DENND5B: variants seen among roughly 807,000 people sequenced by gnomAD.
The protein encoded by DENND5B is DENN domain-containing protein 5B.
A neutral mutation model predicts 140.6 loss-of-function variants in DENND5B; 34 were observed. The ratio of observed to expected loss-of-function variants is 0.24; its 90% CI spans 0.18 to 0.32. The LOEUF is 0.32. Among genes scored for constraint, DENND5B ranks in the 10% least tolerant of loss-of-function variants. The pLI, the probability that DENND5B is intolerant of heterozygous loss-of-function variation, is 1.00. For missense variants in DENND5B, 1,142 were observed against 1,560.2 expected (o/e 0.73, Z 4.52); for synonymous variants, 551 against 562.1 (o/e 0.98, Z 0.28).
intron 1 of DENND5B, among the ~76,000 whole-genome samples, chr12:31,572,229 A>G (rs1332917440): frequency 6.6e-6 from 1 of 152,046 alleles, no homozygotes; most frequent in Non-Finnish European, 1.5e-5. Context: ...TGTCTCAAAA[A>G]AAAAAAGAAA....
chr12:31,399,878 C>A, intron 15 of DENND5B, 106 bp from the exon 16 acceptor site: 1 of 740,824 alleles, frequency 1.3e-6, no homozygotes, highest in South Asian at 1.8e-5. Context: ...CAGAGACAAA[C>A]CCTGCATAAT....
intron 1 of DENND5B, among the ~76,000 whole-genome samples, chr12:31,529,661 C>T (rs1244064752): frequency 6.6e-6 from 1 of 151,248 alleles, no homozygotes. Context: ...CCCATCTCTA[C>T]CAAAAATACA....
At chr12:31,546,558 G>A (rs186792905) in intron 1 of DENND5B, among the ~76,000 whole-genome samples, 55 of 152,122 alleles carry the variant, frequency 3.6e-4, no homozygotes, top group African/African-American at 1.3e-3. Context: ...ATGGTGGTAC[G>A]CGCCTGTAAT....
At chr12:31,494,131 C>A (rs1406258953) in intron 2 of DENND5B, among the ~76,000 whole-genome samples, 3 of 149,494 alleles carry the variant, frequency 2.0e-5, no homozygotes, top group Admixed American at 2.0e-4. Context: ...TTGACTATCT[C>A]TCTATCTTCT....
chr12:31,493,741 G>A (rs1946623535), intron 2 of DENND5B, among the ~76,000 whole-genome samples: 1 of 152,200 alleles, frequency 6.6e-6, no homozygotes. Flanking sequence ...TGAGGCAGGA[G>A]GATTGCCTGA....
intron 1 of DENND5B, among the ~76,000 whole-genome samples, chr12:31,580,946 A>T (rs879722865): frequency 2.4e-4 from 36 of 151,972 alleles, no homozygotes; most frequent in Non-Finnish European, 4.1e-4. Flanking sequence ...TACAAAAAAA[A>T]TTTTTTTAAT....
intron 17 of DENND5B, among the ~76,000 whole-genome samples, chr12:31,393,828 C>T (rs995700282): frequency 6.6e-6 from 1 of 152,106 alleles, no homozygotes; most frequent in African/African-American, 2.4e-5. Context: ...GCTGGGACTA[C>T]AGGTGCCGGC....
chr12:31,399,885 T>C (rs1941705151), intron 15 of DENND5B, 113 bp from the exon 16 acceptor site: 1 of 704,454 alleles, frequency 1.4e-6, no homozygotes, highest in Non-Finnish European at 2.5e-6. Context: ...AAACCCTGCA[T>C]AATGTATTCA....
At chr12:31,559,175 T>C (rs1334668424) in intron 1 of DENND5B, among the ~76,000 whole-genome samples, 2 of 152,176 alleles carry the variant, frequency 1.3e-5, no homozygotes, top group African/African-American at 4.8e-5. Context: ...TTCGGTCTAT[T>C]TTAGTTAAAC....
intron 1 of DENND5B, among the ~76,000 whole-genome samples, chr12:31,561,772 G>A (rs963449699): frequency 4.1e-4 from 62 of 152,124 alleles, no homozygotes; most frequent in Non-Finnish European, 1.6e-4. Flanking sequence ...GAGCTAGTAT[G>A]GCATTAAGAG....
At chr12:31,513,554 CTT>C (rs1341409589) in intron 1 of DENND5B, among the ~76,000 whole-genome samples, 1 of 152,102 alleles carries the variant, frequency 6.6e-6, no homozygotes, top group Non-Finnish European at 1.5e-5. Context: ...TCATGACAGA[CTT>C]TTATTTTTCT....
At chr12:31,535,263 A>G in intron 1 of DENND5B, 1 of 187,400 alleles carries the variant, frequency 5.3e-6, no homozygotes, top group South Asian at 1.2e-4. Context: ...TGTCCACTGC[A>G]GGCTACTTAA....
chr12:31,417,229 C>T (rs1468101728), intron 11 of DENND5B, among the ~76,000 whole-genome samples: 28 of 150,722 alleles, frequency 1.9e-4, no homozygotes, highest in Admixed American at 9.3e-4. Flanking sequence ...TGGTGGTGGG[C>T]GCCTGTAGTC....
At chr12:31,402,046 G>A (rs931618518) in intron 15 of DENND5B, among the ~76,000 whole-genome samples, 1 of 148,864 alleles carries the variant, frequency 6.7e-6, no homozygotes, top group Non-Finnish European at 1.5e-5. Flanking sequence ...TGCACAGCCT[G>A]GGCGAAAGAG....
At chr12:31,533,597 A>T (rs1293288655) in intron 1 of DENND5B, among the ~76,000 whole-genome samples, 1 of 152,168 alleles carries the variant, frequency 6.6e-6, no homozygotes, top group African/African-American at 2.4e-5. Flanking sequence ...AACTCAAGAG[A>T]TTATGTAAGC....
intron 1 of DENND5B, among the ~76,000 whole-genome samples, chr12:31,539,562 G>A (rs2139154182): frequency 6.6e-6 from 1 of 152,138 alleles, no homozygotes; most frequent in East Asian, 1.9e-4. Flanking sequence ...GGGATGCAAG[G>A]ATAGTTCAAC....
chr12:31,561,027 G>A (rs1949456773), intron 1 of DENND5B, among the ~76,000 whole-genome samples: 2 of 152,124 alleles, frequency 1.3e-5, no homozygotes, highest in African/African-American at 4.8e-5. Context: ...ATTCTTACGA[G>A]AAAATAGAAT....
Position 31,552,071 on chromosome 12 carries a change from G to A in DENND5B, c.127+38635C>T, listed in dbSNP as rs1030575014. ...TACCCTTTATTTCCTTCTCCTGCCTGATTGCCCTGGCCAGAACTTCCAACA... is the reference window on the plus strand; with the variant it reads ...TACCCTTTATTTCCTTCTCCTGCCTAATTGCCCTGGCCAGAACTTCCAACA... On this transcript the variant is annotated intron_variant, in intron 1 of 20. Transcript: ENST00000389082. 2.7e-3 allele frequency among the ~76,000 whole-genome samples: 414 copies of A among 152,188 alleles called. 4 individuals are homozygous for A. The highest frequency in any genetic ancestry group is 6.8e-3 in the Middle Eastern group (2 of 294).
In DENND5B at chr12:31,523,024, AGGAG is replaced by A. The variant is rs200375898; in HGVS notation, c.128-27109_128-27106del. Among the ~76,000 whole-genome samples the A allele has an allele frequency of 3.0e-4, 46 of 151,540 alleles. No homozygotes were observed. In the East Asian group the frequency reaches 6.0e-3, roughly 20 times the overall value. On this transcript the variant is annotated intron_variant, in intron 1 of 20. Coordinates refer to ENST00000389082, the MANE Select transcript of DENND5B (RefSeq NM_144973.4). ...CTGAGGATGTTAGCATTCCCAGAATAGGAGGGAAGGTGAGATAAATGTGCCTTTT... is the reference window on the plus strand; with the variant it reads ...CTGAGGATGTTAGCATTCCCAGAATAGGAAGGTGAGATAAATGTGCCTTTT...
Sources: allele counts gnomAD v4.1 joint callset (sites outside exome capture counted in the v4.1 genomes callset), GRCh38; gene constraint gnomAD v4.1.1; transcripts MANE v1.5; gene names NCBI Gene and HGNC (gene_info 2026-07-23, HGNC 2026-07-21).